The following EPAS1 variants were observed in gnomAD, a reference collection of about 807,000 sequenced individuals.
EPAS1 encodes endothelial PAS domain-containing protein 1.
EPAS1 carries 23 observed loss-of-function variants against 87.9 expected under a neutral mutation model. That is an observed-to-expected ratio of 0.26 (90% confidence interval 0.19 to 0.37). The LOEUF (loss-of-function observed/expected upper bound fraction) is 0.37. EPAS1 is among the 10% of genes least tolerant of loss of function. The pLI, the probability that EPAS1 is intolerant of heterozygous loss-of-function variation, is 1.00. For missense variants in EPAS1, 1,138 were observed against 1,120.7 expected, an observed-to-expected ratio of 1.02 and a Z score of -0.22; for synonymous variants, 508 against 444.3, an observed-to-expected ratio of 1.14 and a Z score of -1.80.
In EPAS1 at chr2:46,378,022, C is replaced by T. The variant is rs1445824525; in HGVS notation, c.1378C>T (p.Pro460Ser). Reference sequence around the variant, plus strand: ...TGGGAGCCTGCCTGCCTTCACCGTGCCCCAGGCAGCTGCCCCGGGCAGCAC... The same window carrying T: ...TGGGAGCCTGCCTGCCTTCACCGTGTCCCAGGCAGCTGCCCCGGGCAGCAC... The part of the protein sequence containing the change: ...EAGSLPAFTV[P>S]QAAAPGSTTP... The change falls in exon 10 of 16, where the codon CCC becomes TCC. Residue 460 changes from proline (P) to serine (S), a missense_variant. Coordinates refer to ENST00000263734, the MANE Select transcript of EPAS1 (RefSeq NM_001430.5). The T allele has an allele frequency of 1.9e-6, 3 of 1,603,148 alleles. No homozygotes were observed. Among genetic ancestry groups the T allele is most frequent in the Non-Finnish European group, 2.6e-6 (3 of 1,175,638 alleles).
rs375326019 is a variant in EPAS1 at position 46,299,990 on chromosome 2, C to T, written c.26+2053C>T. ...CGGGCTGGTGGCCACGCGAGGGTGT[C>T]CGCCCTCTTCGACCTGCCTGGATTT... On this transcript the variant is annotated intron_variant, in intron 1 of 15. Coordinates refer to ENST00000263734, the MANE Select transcript of EPAS1 (RefSeq NM_001430.5). 1.2e-4 allele frequency among the ~76,000 whole-genome samples: 19 copies of T among 152,350 alleles called. No homozygotes were observed. In the South Asian group the frequency reaches 2.1e-3, roughly 17 times the overall value.
chr2:46,310,278 T>A (rs2104841329), intron 1 of EPAS1, among the ~76,000 whole-genome samples: 1 of 152,320 alleles, frequency 6.6e-6, no homozygotes, highest in Non-Finnish European at 1.5e-5. Flanking sequence ...TCCCCCTCAT[T>A]ATTTGATAAG....
chr2:46,344,671 GA>G (rs1683982117), intron 1 of EPAS1, among the ~76,000 whole-genome samples: 2 of 152,208 alleles, frequency 1.3e-5, no homozygotes, highest in African/African-American at 4.8e-5. Context: ...AGAAGGTGGG[GA>G]AAGGGGGGTG....
chr2:46,352,125 TG>T (rs892871657), intron 2 of EPAS1, among the ~76,000 whole-genome samples: 5 of 152,206 alleles, frequency 3.3e-5, no homozygotes, highest in Non-Finnish European at 5.9e-5. Context: ...CTCTCGTCTT[TG>T]GGGTCAGACC....
Position 46,300,269 on chromosome 2 carries a change from TGA to T in EPAS1, c.26+2334_26+2335del, listed in dbSNP as rs373492830. On this transcript the variant is annotated intron_variant, in intron 1 of 15. Transcript: ENST00000263734. The surrounding 1 kb of genome is among the most constrained non-coding windows in gnomAD (Gnocchi z 4.1). ...GTGCCTCACAAGGGCGATGTGACAG[TGA>T]GGGGGCTCTCTGCTGATGATTCTGC... 3.3e-5 allele frequency among the ~76,000 whole-genome samples: 5 copies of T among 152,358 alleles called. No homozygotes were observed. Among genetic ancestry groups the T allele is most frequent in the African/African-American group, 1.2e-4 (5 of 41,586 alleles).
rs1159137374 is a variant in EPAS1 at position 46,297,951 on chromosome 2, C to G, written c.26+14C>G. The G allele has an allele frequency of 1.2e-6, 2 of 1,611,986 alleles. No individual in the cohort carries two copies. The highest frequency in any genetic ancestry group is 1.7e-6 in the Non-Finnish European group (2 of 1,179,154). On this transcript the variant is annotated intron_variant, in intron 1 of 15. Transcript: ENST00000263734. ...GGAGAAGAAAAGGTAAGCGGGCGTC[C>G]GGGCCGATCAGGGGGCCGGTCCGAG...
At chr2:46,310,867 G>A (rs1417605767) in intron 1 of EPAS1, among the ~76,000 whole-genome samples, 1 of 151,812 alleles carries the variant, frequency 6.6e-6, no homozygotes, top group Non-Finnish European at 1.5e-5. Flanking sequence ...ACCTCACAAT[G>A]ACAACTGCGT....
chr2:46,351,218 G>A (rs940671759), intron 2 of EPAS1, among the ~76,000 whole-genome samples: 18 of 152,196 alleles, frequency 1.2e-4, no homozygotes, highest in African/African-American at 4.1e-4. Context: ...TAGAGATACT[G>A]ACTTTGTTCA....
intron 1 of EPAS1, among the ~76,000 whole-genome samples, chr2:46,321,590 G>A (rs1440679794): frequency 6.6e-6 from 1 of 152,040 alleles, no homozygotes; most frequent in Non-Finnish European, 1.5e-5. Flanking sequence ...CCATCCTAGT[G>A]GGTGTGAAGT....
In EPAS1 at chr2:46,356,142, CCTTT is replaced by C; in HGVS notation, c.218-7_218-4del. On this transcript the variant is annotated splice_polypyrimidine_tract_variant and splice_region_variant and intron_variant, in intron 2 of 15. Transcript: ENST00000263734. ...TCATGCAAGCTGTCCCACCCCCCCC[CCTTT>C]CCAGTTTGCTCTGAAAACGAGTCCG... 1.5e-6 allele frequency: 2 copies of C among 1,374,664 alleles called. No homozygotes were observed. Among genetic ancestry groups the C allele is most frequent in the Non-Finnish European group, 2.1e-6 (2 of 969,878 alleles). The allele number at this position is 1,374,664 out of a possible 1,614,324, so 85.2% of individuals were successfully genotyped here.
At position 46,360,915 on chromosome 2, in the gene EPAS1, TACA is replaced by T. The variant is rs762552507; in HGVS notation, c.610_612del (p.Asn204del). ...GCACTGCACGGGCCAGGTGAAAGTC[TACA>T]ACAACTGCCCTCCTCACAATAGTCT... On this transcript the variant is annotated inframe_deletion, in exon 6 of 16. Transcript: ENST00000263734. The surrounding 1 kb of genome is among the most constrained non-coding windows in gnomAD (Gnocchi z 4.5). The T allele has an allele frequency of 6.8e-6, 11 of 1,614,076 alleles. No individual in the cohort carries two copies. Among genetic ancestry groups the T allele is most frequent in the Middle Eastern group, 1.6e-4 (1 of 6,084 alleles).
At chr2:46,376,471 T>C in intron 8 of EPAS1, 68 bp from the exon 9 acceptor site, 1 of 1,504,688 alleles carries the variant, frequency 6.6e-7, no homozygotes, top group Non-Finnish European at 9.3e-7. Flanking sequence ...AGGGTTTCCA[T>C]GCATCTAGGG....
intron 1 of EPAS1, among the ~76,000 whole-genome samples, chr2:46,302,734 GAAAAAAA>G (rs368452487): frequency 0.04 from 4,835 of 119,460 alleles, 107 homozygotes; most frequent in South Asian, 0.043. Flanking sequence ...GTCTGATTAG[GAAAAAAA>G]AAAAAAAAAA....
chr2:46,338,478 C>G (rs1390204528), intron 1 of EPAS1, among the ~76,000 whole-genome samples: 1 of 152,186 alleles, frequency 6.6e-6, no homozygotes, highest in Admixed American at 6.5e-5. Flanking sequence ...CCTCCTGCAC[C>G]CGCTGGCTTT....
At chr2:46,351,076 C>T (rs535585671) in intron 2 of EPAS1, among the ~76,000 whole-genome samples, 1 of 152,312 alleles carries the variant, frequency 6.6e-6, no homozygotes, top group South Asian at 2.1e-4. Context: ...CCCAGGCTTT[C>T]ACTCCTACCT....
At chr2:46,314,121 C>A (rs941276163) in intron 1 of EPAS1, among the ~76,000 whole-genome samples, 3 of 152,172 alleles carry the variant, frequency 2.0e-5, no homozygotes, top group African/African-American at 4.8e-5. Flanking sequence ...CAGACTCTTT[C>A]CACAGACCCA....
intron 2 of EPAS1, among the ~76,000 whole-genome samples, chr2:46,353,973 G>C (rs1684219117): frequency 6.6e-6 from 1 of 152,236 alleles, no homozygotes; most frequent in Non-Finnish European, 1.5e-5. Flanking sequence ...GTGATCCTCT[G>C]CAAAAGGCAT....
chr2:46,335,341 A>C (rs1558591873), intron 1 of EPAS1, among the ~76,000 whole-genome samples: 2 of 152,080 alleles, frequency 1.3e-5, no homozygotes, highest in Non-Finnish European at 1.5e-5. Context: ...TTAAAATCAT[A>C]TTCTGTACTT....
chr2:46,378,184 C>T, intron 10 of EPAS1, 97 bp downstream of exon 10: 13 of 1,514,776 alleles, frequency 8.6e-6, no homozygotes, highest in Non-Finnish European at 1.1e-5. Context: ...TACTGTCCTT[C>T]TCAGGTTATC....
Sources: allele counts gnomAD v4.1 joint callset (sites outside exome capture counted in the v4.1 genomes callset), GRCh38; gene constraint gnomAD v4.1.1; non-coding constraint Gnocchi (gnomAD v3.1); transcripts MANE v1.5; gene names NCBI Gene and HGNC (gene_info 2026-07-23, HGNC 2026-07-21).